The following TIAM1 variants were observed in gnomAD, a reference collection of about 807,000 sequenced individuals.
TIAM1 encodes rho guanine nucleotide exchange factor TIAM1.
Under a neutral mutation model 163.5 loss-of-function variants are expected in TIAM1, and 65 were observed. The ratio of observed to expected loss-of-function variants is 0.40; its 90% CI spans 0.33 to 0.49. TIAM1 has a LOEUF of 0.49. Among genes scored for constraint, TIAM1 ranks in the 20% least tolerant of loss-of-function variants. TIAM1 has a pLI of 0.77. For synonymous variants in TIAM1, 833 were observed against 810.1 expected (o/e 1.03, Z -0.48); for missense variants, 1,789 against 2,044.7 (o/e 0.87, Z 2.41).
At chr21:31,176,547 A>C (rs2084773185) in intron 15 of TIAM1, among the ~76,000 whole-genome samples, 3 of 152,208 alleles carry the variant, frequency 2.0e-5, no homozygotes. Flanking sequence ...CTCCTTATGC[A>C]GATCCTGGCT....
intron 14 of TIAM1, among the ~76,000 whole-genome samples, chr21:31,184,326 G>T (rs902559760): frequency 2.6e-5 from 4 of 152,150 alleles, no homozygotes; most frequent in Non-Finnish European, 4.4e-5. Context: ...GGCTGGTCTG[G>T]AACTCCTCAC....
At chr21:31,258,874 C>T (rs982146075) in intron 4 of TIAM1, among the ~76,000 whole-genome samples, 3 of 151,800 alleles carry the variant, frequency 2.0e-5, no homozygotes, top group African/African-American at 7.3e-5. Context: ...GCTAGATACT[C>T]GGTCAACTGG....
intron 13 of TIAM1, among the ~76,000 whole-genome samples, chr21:31,191,280 C>T (rs947829867): frequency 9.9e-5 from 15 of 152,178 alleles, no homozygotes; most frequent in Admixed American, 3.3e-4. Context: ...TCCTGCCTCC[C>T]GAGTACCTGG....
At position 31,452,715 on chromosome 21, in the gene TIAM1, A is replaced by C. The variant is rs796756569; in HGVS notation, c.-369+11268T>G. Reference sequence around the variant, plus strand: ...ATTTTCCATAAGACTCAAAAGTAATAAAAGCTCTAATAAATCTACTACAAA... The same window carrying C: ...ATTTTCCATAAGACTCAAAAGTAATCAAAGCTCTAATAAATCTACTACAAA... On this transcript the variant is annotated intron_variant, in intron 2 of 28. Transcript: ENST00000286827. 31 of 454,404 alleles carry C rather than the reference A, an allele frequency of 6.8e-5. 1 individual carries two copies. Among genetic ancestry groups the C allele is most frequent in the African/African-American group, 6.4e-4 (31 of 48,632 alleles). The allele number at this position is 454,404 out of a possible 1,614,324, so 28.1% of individuals were successfully genotyped here. A position where few individuals can be genotyped will look rare whatever the true frequency, so the allele number is the denominator to read the frequency against.
At chr21:31,192,181 A>G (rs2085592953) in intron 13 of TIAM1, among the ~76,000 whole-genome samples, 1 of 152,224 alleles carries the variant, frequency 6.6e-6, no homozygotes, top group Admixed American at 6.5e-5. Flanking sequence ...GCCAGGGTTC[A>G]AAACTGGATT....
chr21:31,160,865 C>T, intron 16 of TIAM1: 1 of 197,884 alleles, frequency 5.1e-6, no homozygotes, highest in Non-Finnish European at 1.0e-5. Flanking sequence ...CTGAAACTGG[C>T]AAGAAAACAA....
chr21:31,275,532 C>T (rs2073259711), intron 3 of TIAM1, among the ~76,000 whole-genome samples: 2 of 152,226 alleles, frequency 1.3e-5, no homozygotes, highest in South Asian at 2.1e-4. Flanking sequence ...CAATGGCACA[C>T]TGACCTCCTC....
intron 2 of TIAM1, among the ~76,000 whole-genome samples, chr21:31,292,606 G>C (rs2074067934): frequency 6.6e-6 from 1 of 150,748 alleles, no homozygotes; most frequent in African/African-American, 2.4e-5. Flanking sequence ...CTGGCCTCAA[G>C]TGATCCACCC....
chr21:31,434,457 T>C (rs769349417), intron 2 of TIAM1, among the ~76,000 whole-genome samples: 1 of 152,148 alleles, frequency 6.6e-6, no homozygotes, highest in Non-Finnish European at 1.5e-5. Context: ...ATGCCACCAT[T>C]TGAAATGGGC....
intron 1 of TIAM1, among the ~76,000 whole-genome samples, chr21:31,557,425 C>T (rs1357171150): frequency 6.6e-6 from 1 of 152,184 alleles, no homozygotes; most frequent in Admixed American, 6.5e-5. Flanking sequence ...TCTATATGGT[C>T]GTTTAAGCCC....
chr21:31,305,013 C>T (rs995375718), intron 2 of TIAM1, among the ~76,000 whole-genome samples: 2 of 152,080 alleles, frequency 1.3e-5, no homozygotes, highest in East Asian at 1.9e-4. Context: ...TCTAAATTCA[C>T]GGAACTCCTG....
At chr21:31,161,812 T>C (rs928275523) in intron 16 of TIAM1, among the ~76,000 whole-genome samples, 6 of 152,220 alleles carry the variant, frequency 3.9e-5, no homozygotes, top group East Asian at 3.8e-4. Flanking sequence ...CAGCTAACGA[T>C]TGAAAAATTA....
chr21:31,348,675 G>A (rs1295571094), upstream of TIAM1, among the ~76,000 whole-genome samples: 1 of 152,176 alleles, frequency 6.6e-6, no homozygotes, highest in Non-Finnish European at 1.5e-5. Flanking sequence ...ACACTCCCAT[G>A]CTAGGTAATC....
chr21:31,508,559 T>C (rs533503191), intron 1 of TIAM1, among the ~76,000 whole-genome samples: 2 of 152,130 alleles, frequency 1.3e-5, no homozygotes, highest in African/African-American at 4.8e-5. Context: ...ACCCAGCTAA[T>C]TTTGTATTTT....
At chr21:31,154,504 G>T (rs965463719) in intron 16 of TIAM1, 78 bp from the exon 17 acceptor site, 2 of 1,464,536 alleles carry the variant, frequency 1.4e-6, no homozygotes, top group South Asian at 1.3e-5. Flanking sequence ...ACCGCCTAGA[G>T]GTGTTCTCCC....
chr21:31,364,884 A>C (rs2076473548), intron 2 of TIAM1, among the ~76,000 whole-genome samples: 1 of 152,188 alleles, frequency 6.6e-6, no homozygotes, highest in Admixed American at 6.5e-5. Flanking sequence ...AGAATCAGAT[A>C]AATATTTCAA....
chr21:31,480,246 A>G (rs1015145325), intron 1 of TIAM1, among the ~76,000 whole-genome samples: 4 of 152,208 alleles, frequency 2.6e-5, no homozygotes, highest in Non-Finnish European at 5.9e-5. Context: ...TTTCCCTTAC[A>G]TTGTGATTTA....
At chr21:31,552,664 G>A (rs1044188498) in intron 1 of TIAM1, among the ~76,000 whole-genome samples, 4 of 152,074 alleles carry the variant, frequency 2.6e-5, no homozygotes, top group Admixed American at 6.6e-5. Context: ...CAGCTACTAG[G>A]GAGGCTGAGG....
At chr21:31,199,459 G>T (rs2086073140) in intron 12 of TIAM1, among the ~76,000 whole-genome samples, 1 of 150,922 alleles carries the variant, frequency 6.6e-6, no homozygotes. Context: ...TCAAACACCA[G>T]GTAAGCCACC....
Sources: allele counts gnomAD v4.1 joint callset (sites outside exome capture counted in the v4.1 genomes callset), GRCh38; gene constraint gnomAD v4.1.1; transcripts MANE v1.5; gene names NCBI Gene and HGNC (gene_info 2026-07-23, HGNC 2026-07-21).